WDFY1: variants seen among roughly 807,000 people sequenced by gnomAD.
WDFY1 encodes WD repeat and FYVE domain containing 1.
WDFY1 carries 32 observed loss-of-function variants against 56.4 expected under a neutral mutation model. The ratio of observed to expected loss-of-function variants is 0.57; its 90% CI spans 0.43 to 0.76. The LOEUF (loss-of-function observed/expected upper bound fraction) is 0.76, where lower values mean the gene tolerates loss of function less well. Ranked by LOEUF, WDFY1 falls within the 30% of genes least tolerant of loss-of-function variation. WDFY1 has a pLI of 0.00. For synonymous variants in WDFY1, 192 were observed against 197.3 expected (o/e 0.97, Z 0.23); for missense variants, 480 against 545.7 (o/e 0.88, Z 1.20).
chr2:223,930,721 C>CT (rs1694059858), intron 1 of WDFY1, among the ~76,000 whole-genome samples: 1 of 152,224 alleles, frequency 6.6e-6, no homozygotes, highest in Non-Finnish European at 1.5e-5. Flanking sequence ...TGCTCTCACT[C>CT]TGTGTCTTGG....
chr2:223,918,731 T>G (rs1257888471), intron 1 of WDFY1, among the ~76,000 whole-genome samples: 2 of 144,892 alleles, frequency 1.4e-5, no homozygotes, highest in African/African-American at 5.7e-5. Context: ...TATGTGCACT[T>G]GGTGGTTGAC....
At chr2:223,926,295 C>T (rs1693977313) in intron 1 of WDFY1, among the ~76,000 whole-genome samples, 1 of 152,130 alleles carries the variant, frequency 6.6e-6, no homozygotes, top group Admixed American at 6.5e-5. Context: ...TACAGGCACA[C>T]ACCACGACAC....
chr2:223,905,271 A>T (rs1216797523), intron 4 of WDFY1, among the ~76,000 whole-genome samples: 1 of 152,212 alleles, frequency 6.6e-6, no homozygotes, highest in Non-Finnish European at 1.5e-5. Context: ...AAACTTTTTA[A>T]TGTCTGACCC....
At chr2:223,904,597 G>C (rs1693566596) in intron 4 of WDFY1, among the ~76,000 whole-genome samples, 1 of 151,978 alleles carries the variant, frequency 6.6e-6, no homozygotes, top group South Asian at 2.1e-4. Flanking sequence ...ACAATATGTA[G>C]GGAAAAGCAA....
intron 3 of WDFY1, among the ~76,000 whole-genome samples, chr2:223,906,406 G>A (rs1693599025): frequency 6.6e-6 from 1 of 152,124 alleles, no homozygotes; most frequent in South Asian, 2.1e-4. Context: ...TAAAAACAGG[G>A]CACTGGGTAG....
chr2:223,883,940 A>G (rs954685243), intron 9 of WDFY1, among the ~76,000 whole-genome samples: 1 of 152,116 alleles, frequency 6.6e-6, no homozygotes, highest in African/African-American at 2.4e-5. Context: ...GCCACCATGC[A>G]GGGCCAAAAA....
intron 1 of WDFY1, among the ~76,000 whole-genome samples, chr2:223,944,374 G>A (rs6736139): frequency 2.0e-5 from 3 of 152,186 alleles, no homozygotes; most frequent in Non-Finnish European, 4.4e-5. Flanking sequence ...GAGAGAGACC[G>A]GGACGAAGGT....
rs1460086241 is a variant in WDFY1, at chr2:223,901,339, G to T, written c.335-6C>A. 3 of 1,613,918 alleles carry T rather than the reference G, an allele frequency of 1.9e-6. No homozygotes were observed. The highest frequency in any genetic ancestry group is 2.2e-5 in the East Asian group (1 of 44,862). ...AGACACCCGGTTCTGATGAGCTGCA[G>T]GAACAGAAAGGTGAACAGATGTCAT... On this transcript the variant is annotated splice_region_variant and splice_polypyrimidine_tract_variant and intron_variant, in intron 4 of 11. Coordinates refer to ENST00000233055, the MANE Select transcript of WDFY1 (RefSeq NM_020830.5).
intron 1 of WDFY1, among the ~76,000 whole-genome samples, chr2:223,926,619 G>C (rs766277540): frequency 1.3e-5 from 2 of 151,176 alleles, no homozygotes; most frequent in Non-Finnish European, 2.9e-5. Flanking sequence ...ACATATATAT[G>C]TGTGTGTATT....
chr2:223,934,044 C>CACAGTTTCTAAT (rs1491483669), intron 1 of WDFY1, among the ~76,000 whole-genome samples: 2 of 147,270 alleles, frequency 1.4e-5, no homozygotes, highest in Non-Finnish European at 3.0e-5. Context: ...CACAAAGAAG[C>CACAGTTTCTAAT]ACAGTTTCTA....
Position 223,880,109 on chromosome 2 carries a change from A to C in WDFY1, c.1173+15T>G, listed in dbSNP as rs778067144. 6.2e-7 allele frequency: 1 copy of C among 1,606,576 alleles called. No individual in the cohort carries two copies. The highest frequency in any genetic ancestry group is 1.7e-5 in the Admixed American group (1 of 59,998). On this transcript the variant is annotated intron_variant, in intron 11 of 11. Transcript: ENST00000233055. ...AATCTCAACTGAGATGCTGACAGACAATTAGCCAGCTTACCTTTACAATGC... is the reference window on the plus strand; with the variant it reads ...AATCTCAACTGAGATGCTGACAGACCATTAGCCAGCTTACCTTTACAATGC...
intron 9 of WDFY1, among the ~76,000 whole-genome samples, chr2:223,884,145 T>C (rs1693130091): frequency 6.6e-6 from 1 of 151,930 alleles, no homozygotes; most frequent in South Asian, 2.1e-4. Flanking sequence ...ATTAAAAAAT[T>C]TAAAAAACAG....
rs149448078 is a variant in WDFY1, at chr2:223,878,693, G to A, written c.1211C>T (p.Ala404Val). 2.7e-4 allele frequency: 435 copies of A among 1,614,064 alleles called. No individual in the cohort carries two copies. Among genetic ancestry groups the A allele is most frequent in the Non-Finnish European group, 3.5e-4 (415 of 1,179,960 alleles). ...AGATCAGTGCGGAGAAAACCCAGTC[G>A]CCAGACTGCAGCCCACCACAGGTGT... Reference protein sequence around the residue: ...DMTPVVGCSLATGFSPH With the variant: ...DMTPVVGCSLVTGFSPH Residue 404 changes from alanine (A) to valine (V), a missense_variant, in exon 12 of 12, where the codon GCG becomes GTG. Coordinates refer to ENST00000233055, the MANE Select transcript of WDFY1 (RefSeq NM_020830.5).
intron 2 of WDFY1, among the ~76,000 whole-genome samples, chr2:223,915,705 C>A (rs1222198922): frequency 6.6e-6 from 1 of 152,206 alleles, no homozygotes; most frequent in African/African-American, 2.4e-5. Flanking sequence ...GTTCCTCAGG[C>A]TGTTGCTACT....
chr2:223,935,665 G>A (rs1694157052), intron 1 of WDFY1, among the ~76,000 whole-genome samples: 1 of 152,200 alleles, frequency 6.6e-6, no homozygotes, highest in Non-Finnish European at 1.5e-5. Flanking sequence ...TGCAGTACCT[G>A]GTGGAGTACA....
chr2:223,908,900 C>T (rs1574769609), intron 3 of WDFY1, among the ~76,000 whole-genome samples: 1 of 152,216 alleles, frequency 6.6e-6, no homozygotes, highest in African/African-American at 2.4e-5. Context: ...TATTCACACA[C>T]CCAGCCCTGC....
At chr2:223,942,805 G>C (rs1184124240) in intron 1 of WDFY1, among the ~76,000 whole-genome samples, 1 of 146,550 alleles carries the variant, frequency 6.8e-6, no homozygotes, top group East Asian at 2.0e-4. Context: ...AAAGTGCTGG[G>C]ATTACAGGCG....
At chr2:223,935,899 C>A (rs1694160851) in intron 1 of WDFY1, among the ~76,000 whole-genome samples, 1 of 151,856 alleles carries the variant, frequency 6.6e-6, no homozygotes, top group Non-Finnish European at 1.5e-5. Context: ...AAGTGAGGTT[C>A]CTGGTGAGGG....
intron 8 of WDFY1, among the ~76,000 whole-genome samples, chr2:223,887,949 G>A (rs1693199839): frequency 6.6e-6 from 1 of 152,078 alleles, no homozygotes; most frequent in African/African-American, 2.4e-5. Flanking sequence ...ATAGTTTCAG[G>A]AAAAACGTTC....
Sources: gnomAD v4.1 joint callset for allele counts (sites outside exome capture counted in the v4.1 genomes callset) on GRCh38, gnomAD v4.1.1 for gene constraint, MANE v1.5 for transcripts, NCBI Gene and HGNC (gene_info 2026-07-23, HGNC 2026-07-21) for gene names.